S100A8: variants seen among roughly 807,000 people sequenced by gnomAD.
The protein encoded by S100A8 is S100 calcium binding protein A8.
Under a neutral mutation model 4.2 loss-of-function variants are expected in S100A8, and 1 was observed. That is an observed-to-expected ratio of 0.24 (90% CI 0.08 to 1.12). The LOEUF is 1.12. Among genes scored for constraint, S100A8 ranks in the 50% most tolerant of loss-of-function variants. The pLI, the probability that S100A8 is intolerant of heterozygous loss-of-function variation, is 0.53. For missense variants in S100A8, 96 were observed against 111.8 expected (o/e 0.86, Z 0.64); for synonymous variants, 41 against 44.7 (o/e 0.92, Z 0.33).
chr1:153,406,762 C>G, the S100A8 span, among the ~76,000 whole-genome samples: 1 of 152,168 alleles, frequency 6.6e-6, no homozygotes, highest in African/African-American at 2.4e-5. Context: ...CTGTTGTGAG[C>G]TCTCCTGGGG....
intron 1 of S100A8, 70 bp from the exon 2 acceptor site, chr1:153,390,627 G>C: frequency 1.3e-6 from 2 of 1,565,876 alleles, no homozygotes; most frequent in Non-Finnish European, 1.7e-6. Context: ...GTACGCAGAG[G>C]ATTCATGCCC....
chr1:153,416,757 G>C, the S100A8 span, among the ~76,000 whole-genome samples: 1 of 152,224 alleles, frequency 6.6e-6, no homozygotes, highest in African/African-American at 2.4e-5. Context: ...GGCTGAACCA[G>C]ACCTGTCCAT....
the S100A8 span, among the ~76,000 whole-genome samples, chr1:153,400,914 G>A: frequency 6.6e-6 from 1 of 152,302 alleles, no homozygotes; most frequent in Non-Finnish European, 1.5e-5. Context: ...TACCCATATG[G>A]CTTACTGTTG....
At chr1:153,405,158 G>C in the S100A8 span, among the ~76,000 whole-genome samples, 2 of 151,886 alleles carry the variant, frequency 1.3e-5, no homozygotes, top group South Asian at 2.1e-4. Context: ...AAAATTGGGC[G>C]AGATGAGGAA....
the S100A8 span, among the ~76,000 whole-genome samples, chr1:153,407,325 G>C: frequency 6.6e-6 from 1 of 152,232 alleles, no homozygotes; most frequent in Non-Finnish European, 1.5e-5. Context: ...ATCATATCCC[G>C]TGCCTGGCTC....
chr1:153,422,340 G>C, the S100A8 span: 35 of 176,154 alleles, frequency 2.0e-4, 1 homozygote, highest in South Asian at 5.6e-3. Context: ...TTGGAAGGAG[G>C]ACATTTTAGA....
At chr1:153,397,857 C>T in the S100A8 span, among the ~76,000 whole-genome samples, 1 of 152,152 alleles carries the variant, frequency 6.6e-6, no homozygotes, top group Non-Finnish European at 1.5e-5. Context: ...TCCCCAGGGC[C>T]GCCTTCTGTG....
chr1:153,390,735 G>T, intron 1 of S100A8, 178 bp from the exon 2 acceptor site: 1 of 754,494 alleles, frequency 1.3e-6, no homozygotes, highest in Non-Finnish European at 2.1e-6. Context: ...GGATACACGT[G>T]TGGGAAGGGG....
At chr1:153,399,790 C>T in the S100A8 span, among the ~76,000 whole-genome samples, 1 of 152,046 alleles carries the variant, frequency 6.6e-6, no homozygotes, top group Non-Finnish European at 1.5e-5. Flanking sequence ...ATTTCAGCTG[C>T]GACTTGAAGA....
chr1:153,419,426 C>A, the S100A8 span: 1 of 1,187,318 alleles, frequency 8.4e-7, no homozygotes, highest in Non-Finnish European at 1.2e-6. Context: ...ACTACCAATT[C>A]CAGGTTAACT....
chr1:153,396,071 C>T (rs1447868186), upstream of S100A8, among the ~76,000 whole-genome samples: 2 of 152,248 alleles, frequency 1.3e-5, no homozygotes, highest in Admixed American at 1.3e-4. Flanking sequence ...ACTCTTCCTT[C>T]TCAGGCTGAA....
chr1:153,403,605 C>T, the S100A8 span, among the ~76,000 whole-genome samples: 1 of 152,052 alleles, frequency 6.6e-6, no homozygotes, highest in African/African-American at 2.4e-5. Flanking sequence ...CTGTGGGCCA[C>T]GGCCCTGCCC....
the S100A8 span, among the ~76,000 whole-genome samples, chr1:153,413,040 G>A: frequency 3.3e-5 from 5 of 152,246 alleles, no homozygotes; most frequent in South Asian, 2.1e-4. Flanking sequence ...TGTAAATGAC[G>A]AGTTAATGGG....
upstream of S100A8, among the ~76,000 whole-genome samples, chr1:153,395,292 T>C (rs1662190160): frequency 6.6e-6 from 1 of 152,190 alleles, no homozygotes; most frequent in South Asian, 2.1e-4. Flanking sequence ...TCTGTGGTTC[T>C]GCCAGGCTGG....
chr1:153,410,112 C>A, the S100A8 span, among the ~76,000 whole-genome samples: 1 of 151,964 alleles, frequency 6.6e-6, no homozygotes, highest in Non-Finnish European at 1.5e-5. Context: ...TAGCAGAAGG[C>A]AAGAAATAAC....
upstream of S100A8, among the ~76,000 whole-genome samples, chr1:153,394,958 G>C (rs1035344385): frequency 4.6e-5 from 7 of 152,166 alleles, no homozygotes; most frequent in African/African-American, 1.7e-4. Context: ...CCTCAGAAAA[G>C]ACAACCCTCT....
At chr1:153,409,319 C>T in the S100A8 span, among the ~76,000 whole-genome samples, 1 of 151,964 alleles carries the variant, frequency 6.6e-6, no homozygotes, top group East Asian at 1.9e-4. Context: ...AAAAGCAGTG[C>T]TTGCAATCCT....
At chr1:153,417,725 C>T in the S100A8 span, among the ~76,000 whole-genome samples, 1,335 of 152,220 alleles carry the variant, frequency 8.8e-3, 17 homozygotes, top group African/African-American at 0.03. Context: ...GAGTGGGGTC[C>T]GCCATGTGCT....
chr1:153,405,925 C>T, the S100A8 span, among the ~76,000 whole-genome samples: 2 of 152,248 alleles, frequency 1.3e-5, no homozygotes, highest in South Asian at 2.1e-4. Context: ...GCAGAACTCT[C>T]TCTCTGTCTC....
Sources: gnomAD v4.1 joint callset for allele counts (sites outside exome capture counted in the v4.1 genomes callset) on GRCh38, gnomAD v4.1.1 for gene constraint, MANE v1.5 for transcripts, NCBI Gene and HGNC (gene_info 2026-07-23, HGNC 2026-07-21) for gene names.